Variants in NRCAM observed in about 807,000 individuals in gnomAD.
NRCAM encodes the protein neuronal cell adhesion molecule.
A neutral mutation model predicts 156.5 loss-of-function variants in NRCAM; 83 were observed. The ratio of observed to expected loss-of-function variants is 0.53; its 90% confidence interval spans 0.44 to 0.64. NRCAM has a LOEUF of 0.64. Ranked by LOEUF, NRCAM falls within the 30% of genes least tolerant of loss-of-function variation. The probability of loss-of-function intolerance (pLI) is 0.00; values close to 1 mark genes in which losing one functional copy is unlikely to be tolerated. For synonymous variants in NRCAM, 538 were observed against 563.9 expected (o/e 0.95, Z 0.65); for missense variants, 1,417 against 1,597.3 (o/e 0.89, Z 1.92).
intron 3 of NRCAM, among the ~76,000 whole-genome samples, chr7:108,295,197 C>T (rs2098428095): frequency 6.6e-6 from 1 of 152,170 alleles, no homozygotes; most frequent in African/African-American, 2.4e-5. Flanking sequence ...ATGACAACTA[C>T]TCTTTACAGA....
chr7:108,296,209 A>T (rs1032726533), intron 3 of NRCAM, among the ~76,000 whole-genome samples: 25 of 152,274 alleles, frequency 1.6e-4, no homozygotes, highest in African/African-American at 5.8e-4. Flanking sequence ...ACTAGTGGAC[A>T]AAGTGGGGCC....
Position 108,232,308 on chromosome 7 carries a change from T to C in NRCAM, c.427+18A>G, listed in dbSNP as rs768585798. 6.3e-7 allele frequency: 1 copy of C among 1,575,140 alleles called. No individual in the cohort carries two copies. The highest frequency in any genetic ancestry group is 1.2e-5 in the South Asian group (1 of 85,492). Reference sequence around the variant, plus strand: ...ATACTTTAAAAAGGGTCATGTTGGTTGACAAGTTTCCACTTACTGGATGGG... The same window carrying C: ...ATACTTTAAAAAGGGTCATGTTGGTCGACAAGTTTCCACTTACTGGATGGG... On this transcript the variant is annotated intron_variant, in intron 7 of 32. Coordinates refer to ENST00000379028, the MANE Select transcript of NRCAM (RefSeq NM_001037132.4).
At chr7:108,156,359 T>C in intron 32 of NRCAM, 1 of 983,842 alleles carries the variant, frequency 1.0e-6, no homozygotes, top group Non-Finnish European at 1.2e-6. Flanking sequence ...TTAAGGAAAA[T>C]GGATCTAAAG....
intron 1 of NRCAM, among the ~76,000 whole-genome samples, chr7:108,428,836 G>A (rs1820789673): frequency 6.6e-6 from 1 of 152,132 alleles, no homozygotes; most frequent in South Asian, 2.1e-4. Context: ...TGGCAGAAGA[G>A]TGGAGACATT....
At chr7:108,150,740 C>T (rs375113080) in intron 32 of NRCAM, 10 of 532,914 alleles carry the variant, frequency 1.9e-5, no homozygotes, top group Non-Finnish European at 3.5e-5. Flanking sequence ...GCAGAAGAAA[C>T]AAATGAAAAC....
chr7:108,283,136 T>C (rs571931865), intron 3 of NRCAM, among the ~76,000 whole-genome samples: 8 of 152,372 alleles, frequency 5.3e-5, no homozygotes, highest in Admixed American at 5.2e-4. Context: ...AAGTCAGCTA[T>C]ACTGATTTCA....
chr7:108,226,465 G>C, intron 8 of NRCAM, 87 bp from the exon 9 acceptor site: 2 of 820,030 alleles, frequency 2.4e-6, no homozygotes, highest in Middle Eastern at 5.2e-4. Flanking sequence ...CTACTAATAG[G>C]TCTGTGAACT....
chr7:108,253,055 G>A (rs1275103583), intron 3 of NRCAM, among the ~76,000 whole-genome samples: 9 of 152,200 alleles, frequency 5.9e-5, no homozygotes, highest in African/African-American at 2.2e-4. Flanking sequence ...TTACTTAGAA[G>A]CTTTAAAGCT....
chr7:108,180,861 CAGTG>C (rs777792770), intron 24 of NRCAM, among the ~76,000 whole-genome samples: 4 of 152,192 alleles, frequency 2.6e-5, no homozygotes, highest in African/African-American at 4.8e-5. Context: ...GTAAACACCA[CAGTG>C]AGGCTTTTAT....
intron 1 of NRCAM, among the ~76,000 whole-genome samples, chr7:108,411,777 C>T (rs941213220): frequency 1.3e-5 from 2 of 152,040 alleles, no homozygotes; most frequent in Non-Finnish European, 2.9e-5. Context: ...GTGATCTGCC[C>T]GCCTCAGCCT....
At chr7:108,447,269 T>TC (rs1199121125) in intron 1 of NRCAM, among the ~76,000 whole-genome samples, 3 of 144,472 alleles carry the variant, frequency 2.1e-5, no homozygotes, top group African/African-American at 7.7e-5. Flanking sequence ...CTTTTTTTTT[T>TC]TTTTTTTTTT....
At chr7:108,251,056 G>C (rs536826444) in intron 3 of NRCAM, among the ~76,000 whole-genome samples, 3 of 152,230 alleles carry the variant, frequency 2.0e-5, no homozygotes, top group African/African-American at 7.2e-5. Flanking sequence ...ATTAAAGTTG[G>C]TTGATAAGAA....
At chr7:108,274,190 C>T (rs989751742) in intron 3 of NRCAM, among the ~76,000 whole-genome samples, 27 of 152,132 alleles carry the variant, frequency 1.8e-4, no homozygotes, top group African/African-American at 5.3e-4. Context: ...TCCAGCTTTG[C>T]TCTTTTTGCT....
At chr7:108,298,784 A>G (rs1178202580) in intron 3 of NRCAM, among the ~76,000 whole-genome samples, 2 of 151,688 alleles carry the variant, frequency 1.3e-5, no homozygotes, top group Admixed American at 6.6e-5. Context: ...TCTCTTCAAG[A>G]CTATTTATCT....
At chr7:108,188,165 A>C (rs2068406404) in intron 20 of NRCAM, among the ~76,000 whole-genome samples, 5 of 152,162 alleles carry the variant, frequency 3.3e-5, no homozygotes, top group Admixed American at 3.3e-4. Flanking sequence ...CAGCCAGGTC[A>C]ACCAGGAGCC....
intron 2 of NRCAM, among the ~76,000 whole-genome samples, chr7:108,386,703 G>A (rs1472477672): frequency 6.6e-6 from 1 of 152,146 alleles, no homozygotes; most frequent in South Asian, 2.1e-4. Context: ...GTTGTTATAT[G>A]TTCAGAAAAG....
chr7:108,263,063 C>T (rs1429563198), intron 3 of NRCAM, among the ~76,000 whole-genome samples: 1 of 152,184 alleles, frequency 6.6e-6, no homozygotes. Context: ...CCCATGGAGA[C>T]CACTGACACA....
At chr7:108,162,256 T>G (rs1413419321) in intron 30 of NRCAM, among the ~76,000 whole-genome samples, 1 of 152,150 alleles carries the variant, frequency 6.6e-6, no homozygotes, top group African/African-American at 2.4e-5. Flanking sequence ...TCTGCAAAAA[T>G]CTTAAGTTAA....
intron 2 of NRCAM, among the ~76,000 whole-genome samples, chr7:108,316,883 C>T (rs2098932298): frequency 6.6e-6 from 1 of 152,098 alleles, no homozygotes; most frequent in Non-Finnish European, 1.5e-5. Flanking sequence ...GTAAGACAGA[C>T]ATGGCTGTGG....
Sources: allele counts gnomAD v4.1 joint callset (sites outside exome capture counted in the v4.1 genomes callset), GRCh38; gene constraint gnomAD v4.1.1; transcripts MANE v1.5; gene names NCBI Gene and HGNC (gene_info 2026-07-23, HGNC 2026-07-21).